KANSL1: variants seen among roughly 807,000 people sequenced by gnomAD.
KANSL1 encodes the protein MLL1/MLL complex subunit KANSL1.
A neutral mutation model predicts 103.6 loss-of-function variants in KANSL1; 22 were observed. That is an observed-to-expected ratio of 0.21 (90% CI 0.15 to 0.30). KANSL1 has a LOEUF of 0.30. Ranked by LOEUF, KANSL1 falls within the 10% of genes least tolerant of loss-of-function variation. The probability of loss-of-function intolerance (pLI) is 1.00; values close to 1 mark genes in which losing one functional copy is unlikely to be tolerated. For synonymous variants in KANSL1, 600 were observed against 527.6 expected (o/e 1.14, Z -1.88); for missense variants, 1,337 against 1,399.8 (o/e 0.96, Z 0.72).
At chr17:46,180,488 G>A (rs1238815939) in intron 1 of KANSL1, among the ~76,000 whole-genome samples, 2 of 152,194 alleles carry the variant, frequency 1.3e-5, no homozygotes, top group South Asian at 2.1e-4. Context: ...ACAAAAGTGA[G>A]ACTCCATCTC....
chr17:46,196,446 A>C (rs1322318658), upstream of KANSL1: 1 of 456,116 alleles, frequency 2.2e-6, no homozygotes, highest in Non-Finnish European at 4.4e-6. Context: ...TTCAATCCTA[A>C]AAATGATGGA....
At chr17:46,102,553 G>C (rs1025483930) in intron 2 of KANSL1, among the ~76,000 whole-genome samples, 1 of 152,084 alleles carries the variant, frequency 6.6e-6, no homozygotes, top group South Asian at 2.1e-4. Context: ...CCCAGCCCCA[G>C]AGCCAATTCT....
chr17:46,036,958 C>A (rs545398766), intron 10 of KANSL1, among the ~76,000 whole-genome samples: 1 of 152,086 alleles, frequency 6.6e-6, no homozygotes, highest in Admixed American at 6.5e-5. Context: ...GTGATCCACC[C>A]GCCTCAGCCG....
chr17:46,114,805 C>T (rs1026510370), intron 2 of KANSL1, among the ~76,000 whole-genome samples: 2 of 152,192 alleles, frequency 1.3e-5, no homozygotes, highest in Non-Finnish European at 2.9e-5. Context: ...GCCTTAATCC[C>T]ATTAAGGTTT....
rs749406954 is a variant in KANSL1 at position 46,058,710 on chromosome 17, AACACACAC to A, written c.1848+7819_1848+7826del. ...CACTAATTGGAAAAGCCAGATTTAAAACACACACACACACACACACACACACACACACA... is the reference window on the plus strand; with the variant it reads ...CACTAATTGGAAAAGCCAGATTTAAAACACACACACACACACACACACACA... On this transcript the variant is annotated intron_variant, in intron 6 of 14. Transcript: ENST00000432791. Among the ~76,000 whole-genome samples, 116 of 124,484 alleles carry A rather than the reference AACACACAC, an allele frequency of 9.3e-4. No homozygotes were observed. In the East Asian group the frequency reaches 0.015, roughly 17 times the overall value. 81.7% of individuals were successfully genotyped at this position (124,484 alleles called of 152,430 possible).
At chr17:46,101,581 C>A (rs2042315779) in intron 2 of KANSL1, among the ~76,000 whole-genome samples, 1 of 151,778 alleles carries the variant, frequency 6.6e-6, no homozygotes, top group Admixed American at 6.6e-5. Context: ...GAAACCCCGT[C>A]TCTACTAAAA....
chr17:46,215,984 G>A (rs752549537), intron 1 of KANSL1, among the ~76,000 whole-genome samples: 1 of 152,214 alleles, frequency 6.6e-6, no homozygotes, highest in Admixed American at 6.5e-5. Flanking sequence ...AGGCTGCCGT[G>A]AGCCGAGACC....
At chr17:46,110,799 G>T (rs2042770215) in intron 2 of KANSL1, among the ~76,000 whole-genome samples, 1 of 152,154 alleles carries the variant, frequency 6.6e-6, no homozygotes, top group South Asian at 2.1e-4. Context: ...AATAAGGTTG[G>T]GGTGGGAGGT....
chr17:46,129,481 A>C (rs1198212016), intron 2 of KANSL1, among the ~76,000 whole-genome samples: 1 of 152,252 alleles, frequency 6.6e-6, no homozygotes, highest in Non-Finnish European at 1.5e-5. Context: ...GTCGTGAGTT[A>C]CAAGATTGGC....
At position 46,091,099 on chromosome 17, in the gene KANSL1, A is replaced by C. The variant is rs532396475; in HGVS notation, c.1431+3461T>G. Among the ~76,000 whole-genome samples, 6 of 152,296 alleles carry C rather than the reference A, an allele frequency of 3.9e-5. No individual in the cohort carries two copies. The East Asian group carries it at 1.2e-3, about 29-fold the overall frequency. On this transcript the variant is annotated intron_variant, in intron 3 of 14. Transcript: ENST00000432791. Reference sequence around the variant, plus strand: ...TCCGTGTGTGTTGTTGGCCCTGAAAACCTAACAGTGTAACAAGATGTGAAG... The same window carrying C: ...TCCGTGTGTGTTGTTGGCCCTGAAACCCTAACAGTGTAACAAGATGTGAAG...
chr17:46,137,595 G>A lies in KANSL1; in HGVS notation c.1289+33260C>T, dbSNP rs149523029. Among the ~76,000 whole-genome samples the A allele has an allele frequency of 4.1e-3, 625 of 152,224 alleles. 7 individuals carry two copies. Among genetic ancestry groups the A allele is most frequent in the African/African-American group, 0.014 (579 of 41,500 alleles). ...ATCTTTCTGTTTTGAAAACTGTTTC[G>A]CCGGGCGCGGTAGCTCATGCCTGTA... On this transcript the variant is annotated intron_variant, in intron 2 of 14. Coordinates refer to ENST00000432791, the MANE Select transcript of KANSL1 (RefSeq NM_015443.4).
At chr17:46,197,196 C>CA (rs150059027), upstream of KANSL1, among the ~76,000 whole-genome samples, 17,104 of 149,976 alleles carry the variant, frequency 0.11, no homozygotes, top group Non-Finnish European at 0.17. Context: ...GCTCTGTATC[C>CA]ATCCATCTTT....
intron 3 of KANSL1, among the ~76,000 whole-genome samples, chr17:46,088,235 G>C (rs2079239155): frequency 6.6e-6 from 1 of 152,092 alleles, no homozygotes; most frequent in African/African-American, 2.4e-5. Context: ...TCTCTCAACT[G>C]TATTTGCAAT....
intron 2 of KANSL1, among the ~76,000 whole-genome samples, chr17:46,115,659 T>C (rs2043014395): frequency 1.3e-5 from 2 of 152,252 alleles, no homozygotes; most frequent in South Asian, 4.1e-4. Context: ...TGAAAAACAG[T>C]TTATTTATAG....
chr17:46,077,889 TA>T (rs906223456), intron 4 of KANSL1, among the ~76,000 whole-genome samples: 5 of 152,152 alleles, frequency 3.3e-5, no homozygotes, highest in Non-Finnish European at 7.4e-5. Context: ...ACTGACTGTT[TA>T]AATTCAAAAA....
intron 2 of KANSL1, among the ~76,000 whole-genome samples, chr17:46,147,583 A>ATT: frequency 1.8e-5 from 2 of 110,316 alleles, no homozygotes; most frequent in Non-Finnish European, 4.6e-5. Flanking sequence ...AAAAAAAAAA[A>ATT]AAAAAAAAAA....
intron 4 of KANSL1, among the ~76,000 whole-genome samples, chr17:46,069,440 A>C (rs2078497740): frequency 6.6e-6 from 1 of 152,188 alleles, no homozygotes; most frequent in African/African-American, 2.4e-5. Flanking sequence ...AGTCCTAGAC[A>C]AGCATCAAAA....
intron 6 of KANSL1, among the ~76,000 whole-genome samples, chr17:46,058,384 A>AGGT (rs2078006099): frequency 6.6e-6 from 1 of 152,216 alleles, no homozygotes; most frequent in African/African-American, 2.4e-5. Context: ...TAGACTACTA[A>AGGT]GGTGGCCAAC....
chr17:46,114,356 CAAACAA>C (rs113682685), intron 2 of KANSL1, among the ~76,000 whole-genome samples: 23,262 of 151,434 alleles, frequency 0.15, 2,561 homozygotes, highest in East Asian at 0.42. Context: ...GACTCCCTCT[CAAACAA>C]AAACAAAAAC....
Sources: allele counts gnomAD v4.1 joint callset (sites outside exome capture counted in the v4.1 genomes callset), GRCh38; gene constraint gnomAD v4.1.1; transcripts MANE v1.5; gene names NCBI Gene and HGNC (gene_info 2026-07-23, HGNC 2026-07-21).